Variants in ERICH2 observed in about 807,000 individuals in gnomAD.
ERICH2 encodes the protein glutamate-rich protein 2.
In ERICH2, 17 loss-of-function variants were observed where a neutral mutation model predicts 17.4. The ratio of observed to expected loss-of-function variants is 0.98; its 90% CI spans 0.67 to 1.47. The LOEUF is 1.47. Among genes scored for constraint, ERICH2 ranks in the 40% most tolerant of loss-of-function variants. The pLI is 0.00. For synonymous variants in ERICH2, 51 were observed against 61.1 expected (o/e 0.83, Z 0.77); for missense variants, 186 against 183.2 (o/e 1.01, Z -0.09).
chr2:170,794,647 C>T (rs571144556), intron 3 of ERICH2, among the ~76,000 whole-genome samples: 2 of 152,142 alleles, frequency 1.3e-5, no homozygotes, highest in South Asian at 2.1e-4. Flanking sequence ...AGTGATAATA[C>T]GTTAAAAAAG....
At chr2:170,793,561 T>A (rs1224930343) in intron 3 of ERICH2, among the ~76,000 whole-genome samples, 1 of 152,128 alleles carries the variant, frequency 6.6e-6, no homozygotes, top group Non-Finnish European at 1.5e-5. Flanking sequence ...GGAGGATGAA[T>A]GGCAAATGTG....
At position 170,798,768 on chromosome 2, in the gene ERICH2, A is replaced by G. The variant is rs1387343412; in HGVS notation, c.347-2A>G. On this transcript the variant is annotated splice_acceptor_variant, in intron 4 of 4. Coordinates refer to ENST00000409885, the Ensembl canonical transcript of ERICH2. LOFTEE classifies it high-confidence loss of function. ...AAGCAATCCTCTTCCTTTCTGTGGC[A>G]GAGAAAACTCAGAATCATGAGCAAG... 1.9e-6 allele frequency: 3 copies of G among 1,550,578 alleles called. No homozygotes were observed. Among genetic ancestry groups the G allele is most frequent in the Non-Finnish European group, 2.6e-6 (3 of 1,146,956 alleles).
At chr2:170,790,980 A>G (rs1701275988) in intron 2 of ERICH2, among the ~76,000 whole-genome samples, 1 of 152,130 alleles carries the variant, frequency 6.6e-6, no homozygotes, top group Non-Finnish European at 1.5e-5. Flanking sequence ...AAAATAAAAT[A>G]AACATAAAAC....
rs75747027 is a variant in ERICH2 at position 170,784,088 on chromosome 2, T to A, written c.28+222T>A. ...TCTAACACAATGTATATACACTATT[T>A]AGAGTAGCTCATGGCTACCTTCCCA... On this transcript the variant is annotated intron_variant, in intron 1 of 4. Transcript: ENST00000409885. 9.8e-5 allele frequency among the ~76,000 whole-genome samples: 15 copies of A among 152,322 alleles called. No homozygotes were observed. In the East Asian group the frequency reaches 2.9e-3, roughly 29 times the overall value.
chr2:170,783,006 G>A (rs1307439788), upstream of ERICH2, among the ~76,000 whole-genome samples: 1 of 152,156 alleles, frequency 6.6e-6, no homozygotes, highest in African/African-American at 2.4e-5. Context: ...GCTGAAGCAG[G>A]AGGATTGCTT....
chr2:170,788,545 C>T (rs1393282263), intron 2 of ERICH2, among the ~76,000 whole-genome samples: 3 of 152,018 alleles, frequency 2.0e-5, no homozygotes, highest in Admixed American at 6.6e-5. Context: ...GATCTCGGCT[C>T]ACTGCAGCCT....
At chr2:170,798,834 A>C in exon 5 of ERICH2, 5 of 1,550,694 alleles carry the variant, frequency 3.2e-6, no homozygotes, top group Non-Finnish European at 4.4e-6. Flanking sequence ...GTGAGAGTAA[A>C]GGAGAAAGCG....
intron 2 of ERICH2, among the ~76,000 whole-genome samples, chr2:170,787,173 T>C (rs945545766): frequency 3.3e-5 from 5 of 152,140 alleles, no homozygotes; most frequent in Non-Finnish European, 7.4e-5. Flanking sequence ...TGCCTCAGCC[T>C]CCTGAATAGC....
chr2:170,786,801 T>G (rs35127716), intron 2 of ERICH2, among the ~76,000 whole-genome samples: 1 of 152,066 alleles, frequency 6.6e-6, no homozygotes, highest in Admixed American at 6.6e-5. Context: ...TTTTTTGCAT[T>G]TCAGATACTA....
the ERICH2 span, among the ~76,000 whole-genome samples, chr2:170,772,792 G>GTC: frequency 6.6e-6 from 1 of 152,168 alleles, no homozygotes; most frequent in Admixed American, 6.5e-5. Context: ...GAGTTGCAGG[G>GTC]CTTGAGTGTG....
intron 1 of ERICH2, among the ~76,000 whole-genome samples, chr2:170,784,297 A>T: frequency 6.6e-6 from 1 of 152,288 alleles, no homozygotes; most frequent in Middle Eastern, 3.4e-3. Context: ...TATTTATTTT[A>T]TTGTGTATTA....
chr2:170,784,969 G>C lies in ERICH2; in HGVS notation c.216+136G>C, dbSNP rs542408980. On this transcript the variant is annotated intron_variant, in intron 2 of 4. Coordinates refer to ENST00000409885, the Ensembl canonical transcript of ERICH2. ...GCAGAACATAGAATGGTGGTTACCA[G>C]AAGCTGGACGGGAAGAAGGGAGATA... 101 of 675,502 alleles carry C rather than the reference G, an allele frequency of 1.5e-4. 1 individual carries two copies. The South Asian group carries it at 4.0e-3, about 27-fold the overall frequency. 41.8% of individuals were successfully genotyped at this position (675,502 alleles called of 1,614,324 possible).
At chr2:170,782,330 A>C, upstream of ERICH2, 1 of 978,894 alleles carries the variant, frequency 1.0e-6, no homozygotes, top group Non-Finnish European at 1.2e-6. Flanking sequence ...GAAAGTAAAG[A>C]TATCTTAACA....
chr2:170,784,825 A>C (rs1361392916), exon 2 of ERICH2: 3 of 1,468,370 alleles, frequency 2.0e-6, no homozygotes, highest in Non-Finnish European at 1.8e-6. Context: ...ACTAGAGTTA[A>C]TGGCAGAAGT....
chr2:170,796,437 T>G (rs1289759985), intron 3 of ERICH2, among the ~76,000 whole-genome samples: 12 of 21,708 alleles, frequency 5.5e-4, no homozygotes, highest in African/African-American at 1.1e-3. Context: ...TGTTTTTTTT[T>G]TTGTTTTTTT....
chr2:170,783,811 A>T, exon 1 of ERICH2: 1 of 1,550,510 alleles, frequency 6.4e-7, no homozygotes, highest in Non-Finnish European at 8.7e-7. Flanking sequence ...CTAGGTGCAC[A>T]CTGGACAGTC....
intron 2 of ERICH2, among the ~76,000 whole-genome samples, chr2:170,791,562 C>G (rs899993821): frequency 7.2e-6 from 1 of 139,110 alleles, no homozygotes; most frequent in African/African-American, 2.7e-5. Flanking sequence ...TGGTGGCAGG[C>G]GCCTGTAGTC....
chr2:170,777,621 G>A, the ERICH2 span: 2 of 1,219,654 alleles, frequency 1.6e-6, no homozygotes, highest in African/African-American at 3.1e-5. Context: ...ATAAAATACT[G>A]AGGGTATTTT....
At chr2:170,785,232 A>G (rs969839828) in intron 2 of ERICH2, among the ~76,000 whole-genome samples, 4 of 152,192 alleles carry the variant, frequency 2.6e-5, no homozygotes, top group Non-Finnish European at 5.9e-5. Flanking sequence ...TGTACCCCCA[A>G]AATGTATACA....
Sources: gnomAD v4.1 joint callset for allele counts (sites outside exome capture counted in the v4.1 genomes callset) on GRCh38, gnomAD v4.1.1 for gene constraint, MANE v1.5 for transcripts, NCBI Gene and HGNC (gene_info 2026-07-23, HGNC 2026-07-21) for gene names.